The following SLC12A2 variants were observed in gnomAD, a reference collection of about 807,000 sequenced individuals.
SLC12A2 encodes the protein Na-K-2Cl cotransporter 1.
SLC12A2 carries 67 observed loss-of-function variants against 136.3 expected under a neutral mutation model. That is an observed-to-expected ratio of 0.49 (90% CI 0.40 to 0.60). SLC12A2 has a LOEUF of 0.60. SLC12A2 is among the 20% of genes least tolerant of loss of function. SLC12A2 has a pLI of 0.00. For missense variants in SLC12A2, 1,322 were observed against 1,534.7 expected (o/e 0.86, Z 2.32); for synonymous variants, 619 against 562.9 (o/e 1.10, Z -1.41).
intron 4 of SLC12A2, among the ~76,000 whole-genome samples, chr5:128,123,934 T>C (rs1459149391): frequency 2.6e-5 from 4 of 152,232 alleles, no homozygotes; most frequent in African/African-American, 9.6e-5. Context: ...CAGCTAGATA[T>C]ATTACCATTT....
At chr5:128,173,127 T>A (rs1385352320) in intron 19 of SLC12A2, among the ~76,000 whole-genome samples, 4 of 152,194 alleles carry the variant, frequency 2.6e-5, no homozygotes, top group Non-Finnish European at 2.9e-5. Flanking sequence ...CCTAAATACG[T>A]AAGAGGTATC....
intron 9 of SLC12A2, among the ~76,000 whole-genome samples, chr5:128,140,829 T>C (rs1762342291): frequency 6.6e-6 from 1 of 151,972 alleles, no homozygotes; most frequent in Admixed American, 6.6e-5. Flanking sequence ...GAGGTACCTT[T>C]ATGGAAACAT....
At chr5:128,151,432 A>C in intron 14 of SLC12A2, 36 bp downstream of exon 14, 2 of 1,564,414 alleles carry the variant, frequency 1.3e-6, no homozygotes, top group African/African-American at 2.7e-5. Flanking sequence ...CCAAGCTAGA[A>C]AACATCTAGA....
At chr5:128,180,044 A>ACTG (rs1763658295) in intron 22 of SLC12A2, among the ~76,000 whole-genome samples, 1 of 124,808 alleles carries the variant, frequency 8.0e-6, no homozygotes, top group Admixed American at 1.1e-4. Flanking sequence ...ATCTCGGCCC[A>ACTG]CTGAAAGCTC....
chr5:128,099,812 A>G (rs933251766), intron 1 of SLC12A2, among the ~76,000 whole-genome samples: 2 of 152,188 alleles, frequency 1.3e-5, no homozygotes, highest in Non-Finnish European at 2.9e-5. Context: ...GTCCCACTAG[A>G]AGGTCTTCAA....
chr5:128,111,790 A>G (rs1335200735), intron 1 of SLC12A2, among the ~76,000 whole-genome samples: 2 of 139,014 alleles, frequency 1.4e-5, no homozygotes, highest in African/African-American at 3.2e-5. Flanking sequence ...AAGTGTACGC[A>G]TATATATATG....
intron 23 of SLC12A2, 48 bp from the exon 24 acceptor site, chr5:128,182,807 T>C: frequency 7.5e-7 from 1 of 1,328,802 alleles, no homozygotes. Flanking sequence ...TTCAGCCCAA[T>C]ATAGAATGAA....
intron 1 of SLC12A2, among the ~76,000 whole-genome samples, chr5:128,085,316 G>A (rs1353293323): frequency 6.6e-6 from 1 of 150,538 alleles, no homozygotes; most frequent in Non-Finnish European, 1.5e-5. Flanking sequence ...TTTTTTTTGC[G>A]ATGAAAACGT....
chr5:128,101,344 C>G (rs914941935), intron 1 of SLC12A2, among the ~76,000 whole-genome samples: 1 of 152,112 alleles, frequency 6.6e-6, no homozygotes, highest in African/African-American at 2.4e-5. Context: ...ACCTATGATT[C>G]ATGATAGTAA....
chr5:128,178,631 G>A lies in SLC12A2; in HGVS notation c.3042G>A (p.Gln1014=). 6.2e-7 allele frequency: 1 copy of A among 1,602,600 alleles called. No homozygotes were observed. The highest frequency in any genetic ancestry group is 8.5e-7 in the Non-Finnish European group (1 of 1,174,316). ...ADQKLLEAST[Q]FQKKQGKNTI... Reference sequence around the variant, plus strand: ...AAAAGCTTCTTGAAGCTAGTACACAGTTTCAGAAAAAACAAGGAAAGAATA... The same window carrying A: ...AAAAGCTTCTTGAAGCTAGTACACAATTTCAGAAAAAACAAGGAAAGAATA... The change falls in exon 22 of 27, where the codon CAG becomes CAA. Residue 1014 remains glutamine, a synonymous_variant. Transcript: ENST00000262461.
chr5:128,109,284 G>A (rs73337318), intron 1 of SLC12A2, among the ~76,000 whole-genome samples: 100 of 152,352 alleles, frequency 6.6e-4, no homozygotes, highest in African/African-American at 2.2e-3. Context: ...CCTCACCTAG[G>A]CGTGCCAGGG....
intron 1 of SLC12A2, among the ~76,000 whole-genome samples, chr5:128,099,072 A>T (rs768968670): frequency 3.3e-5 from 5 of 152,076 alleles, no homozygotes; most frequent in African/African-American, 1.2e-4. Context: ...CTTCTTTTTC[A>T]TTTACTCTGG....
intron 11 of SLC12A2, among the ~76,000 whole-genome samples, chr5:128,148,420 T>C (rs1762597036): frequency 1.3e-5 from 2 of 151,298 alleles, no homozygotes; most frequent in South Asian, 4.1e-4. Flanking sequence ...TTTCAGCTTG[T>C]TTTTCTTAAA....
chr5:128,142,049 G>A, intron 10 of SLC12A2, 68 bp downstream of exon 10: 1 of 1,311,062 alleles, frequency 7.6e-7, no homozygotes, highest in Non-Finnish European at 1.1e-6. Context: ...TATCAAATAT[G>A]ACCATTCAGA....
chr5:128,111,570 CCTGG>C (rs1761144933), intron 1 of SLC12A2, among the ~76,000 whole-genome samples: 1 of 151,936 alleles, frequency 6.6e-6, no homozygotes, highest in Non-Finnish European at 1.5e-5. Flanking sequence ...TCGAGACCAT[CCTGG>C]CTAAGATGGT....
chr5:128,128,371 A>G (rs1761894856), intron 4 of SLC12A2, among the ~76,000 whole-genome samples: 1 of 152,146 alleles, frequency 6.6e-6, no homozygotes, highest in Admixed American at 6.5e-5. Flanking sequence ...CATCTGACTA[A>G]TTATGTTCTT....
intron 17 of SLC12A2, among the ~76,000 whole-genome samples, chr5:128,165,052 A>G (rs967606159): frequency 6.6e-6 from 1 of 152,066 alleles, no homozygotes; most frequent in Non-Finnish European, 1.5e-5. Context: ...CATGTTGCTC[A>G]GGCTGGTCTT....
intron 10 of SLC12A2, among the ~76,000 whole-genome samples, chr5:128,145,576 A>C (rs1311783824): frequency 6.6e-6 from 1 of 152,108 alleles, no homozygotes; most frequent in African/African-American, 2.4e-5. Context: ...GTAGAAAATA[A>C]TCTTTTCAGA....
At chr5:128,103,660 T>C (rs1041710761) in intron 1 of SLC12A2, among the ~76,000 whole-genome samples, 1 of 152,066 alleles carries the variant, frequency 6.6e-6, no homozygotes. Flanking sequence ...TTAGGTGTTT[T>C]GGGAAGAAGA....
Sources: allele counts gnomAD v4.1 joint callset (sites outside exome capture counted in the v4.1 genomes callset), GRCh38; gene constraint gnomAD v4.1.1; transcripts MANE v1.5; gene names NCBI Gene and HGNC (gene_info 2026-07-23, HGNC 2026-07-21).